Variants in CELA2A observed in about 807,000 individuals in gnomAD.
CELA2A encodes chymotrypsin like elastase 2A, also known as chymotrypsin-like elastase family member 2A.
In CELA2A, 31 loss-of-function variants were observed where a neutral mutation model predicts 35.3. The ratio of observed to expected loss-of-function variants is 0.88; its 90% CI spans 0.66 to 1.19. The LOEUF (loss-of-function observed/expected upper bound fraction) is 1.19. CELA2A is among the 50% of genes most tolerant of loss of function. The probability of loss-of-function intolerance (pLI) is 0.00; values close to 1 mark genes in which losing one functional copy is unlikely to be tolerated. For missense variants in CELA2A, 330 were observed against 352.9 expected (o/e 0.94, Z 0.52); for synonymous variants, 150 against 149.8 (o/e 1.00, Z -0.01).
chr1:15,456,804 TTACCCAGAGGCACTGG>T lies in CELA2A; in HGVS notation c.40+13_40+28del. On this transcript the variant is annotated intron_variant, in intron 1 of 7. Coordinates refer to ENST00000359621, the MANE Select transcript of CELA2A (RefSeq NM_033440.3). ...CTTTGGTGGCTGGAGGTAAGTCCTG[TTACCCAGAGGCACTGG>T]TTTCCCATGCCCTGGTGGGGCTGGA... 6.2e-7 allele frequency: 1 copy of T among 1,614,156 alleles called. No homozygotes were observed. Among genetic ancestry groups the T allele is most frequent in the Non-Finnish European group, 8.5e-7 (1 of 1,180,010 alleles).
chr1:15,458,032 A>C (rs1393223735), intron 2 of CELA2A, among the ~76,000 whole-genome samples: 1 of 152,240 alleles, frequency 6.6e-6, no homozygotes. Context: ...ACATAAACAA[A>C]TATAGTGAAA....
In CELA2A at chr1:15,466,981, C is replaced by T. The variant is rs553606432; in HGVS notation, c.640-405C>T. Among the ~76,000 whole-genome samples the T allele has an allele frequency of 7.9e-5, 12 of 152,280 alleles. 1 individual carries two copies. The South Asian group carries it at 1.2e-3, about 16-fold the overall frequency. ...ACACACTCTGCCCACATAGACCACC[C>T]GCGGGAAGACGGAACCAGTGGGGAA... On this transcript the variant is annotated intron_variant, in intron 6 of 7. Transcript: ENST00000359621.
At chr1:15,458,836 C>T (rs1159939215) in intron 2 of CELA2A, among the ~76,000 whole-genome samples, 2 of 142,830 alleles carry the variant, frequency 1.4e-5, no homozygotes, top group South Asian at 2.2e-4. Context: ...TCGCTTGAAC[C>T]TGGGAGGCGC....
rs1042010 is a variant in CELA2A at position 15,467,418 on chromosome 1, G to A, written c.672G>A (p.Ala224=). 293,547 of 1,613,572 alleles carry A rather than the reference G, an allele frequency of 0.18. 28,164 individuals are homozygous for A. Among genetic ancestry groups the A allele is most frequent in the African/African-American group, 0.27 (20,607 of 75,000 alleles). ...CTGGCGGGCCACTGAACTGTCAGGC[G>A]TCTGACGGCCGGTGGCAGGTGCACG... is the stretch of plus-strand genomic sequence containing the variant. The part of the protein sequence containing the change: ...GDSGGPLNCQ[A]SDGRWQVHGI... The change falls in exon 7 of 8, where the codon GCG becomes GCA. Residue 224 remains alanine, a synonymous_variant. Coordinates refer to ENST00000359621, the MANE Select transcript of CELA2A (RefSeq NM_033440.3).
Position 15,472,087 on chromosome 1 carries a change from A to G in CELA2A, c.*80A>G. ...AATATAATAAAGTGACAACTATGCA[A>G]ATCACATCTTGATGAGAGATTTATT... On this transcript the variant is annotated 3_prime_UTR_variant, in exon 8 of 8. Coordinates refer to ENST00000359621, the MANE Select transcript of CELA2A (RefSeq NM_033440.3). 2 of 1,574,014 alleles carry G rather than the reference A, an allele frequency of 1.3e-6. No individual in the cohort carries two copies. The highest frequency in any genetic ancestry group is 1.7e-6 in the Non-Finnish European group (2 of 1,144,014).
At position 15,467,390 on chromosome 1, in the gene CELA2A, ACT is replaced by A. The variant is rs985933759; in HGVS notation, c.647_648del (p.Ser216TrpfsTer10). 3 of 1,612,488 alleles carry A rather than the reference ACT, an allele frequency of 1.9e-6. No individual in the cohort carries two copies. The highest frequency in any genetic ancestry group is 2.7e-5 in the African/African-American group (2 of 74,708). On this transcript the variant is annotated frameshift_variant, in exon 7 of 8. Transcript: ENST00000359621. LOFTEE classifies it high-confidence loss of function. ...TATAACTCTGGCCTTCCTCAGGGAG[ACT>A]CTGGCGGGCCACTGAACTGTCAGGC...
In CELA2A at chr1:15,463,266, A is replaced by G. The variant is rs1176413855; in HGVS notation, c.357-120A>G. The stretch of plus-strand genomic sequence containing the variant: ...TTCAAACATGCCCTGGGGCCCTGCC[A>G]GTCAGAGCAACCTGGGGTAACAGGG... On this transcript the variant is annotated intron_variant, in intron 4 of 7. Transcript: ENST00000359621. 4.1e-5 allele frequency: 61 copies of G among 1,491,658 alleles called. No homozygotes were observed. The East Asian group carries it at 7.7e-4, about 19-fold the overall frequency. 92.4% of individuals were successfully genotyped at this position (1,491,658 alleles called of 1,614,324 possible). A position where few individuals can be genotyped will look rare whatever the true frequency, so the allele number is the denominator to read the frequency against.
rs202189654 is a variant in CELA2A at position 15,457,120 on chromosome 1, T to C, written c.75T>C (p.Tyr25=). 5.1e-5 allele frequency: 82 copies of C among 1,614,160 alleles called. No homozygotes were observed. The highest frequency in any genetic ancestry group is 6.2e-5 in the Non-Finnish European group (73 of 1,180,036). The change falls in exon 2 of 8, where the codon TAT becomes TAC. Residue 25 remains tyrosine, a synonymous_variant. Transcript: ENST00000359621. ...GTGGGGACCCCACTTACCCACCTTATGTGACTAGGGTGGTTGGCGGTGAAG... is the reference window on the plus strand; with the variant it reads ...GTGGGGACCCCACTTACCCACCTTACGTGACTAGGGTGGTTGGCGGTGAAG... The part of the protein sequence containing the change: ...LSCGDPTYPP[Y]VTRVVGGEEA...
In CELA2A at chr1:15,467,533, A is replaced by G; in HGVS notation, c.787A>G (p.Asn263Asp). The G allele has an allele frequency of 6.2e-7, 1 of 1,614,162 alleles. No homozygotes were observed. Among genetic ancestry groups the G allele is most frequent in the Non-Finnish European group, 8.5e-7 (1 of 1,180,030 alleles). The change falls in exon 7 of 8, where the codon AAT (asparagine) becomes GAT (aspartate). Residue 263 changes from asparagine to aspartate, a missense_variant. Transcript: ENST00000359621. ...TRVSNYIDWI[N>D]SVIANN ...GGTCTCCAATTACATCGACTGGATCAATTCGGTAAGAACCGGACCAGCCCT... is the reference window on the plus strand; with the variant it reads ...GGTCTCCAATTACATCGACTGGATCGATTCGGTAAGAACCGGACCAGCCCT...
chr1:15,460,962 G>A (rs1482031251), intron 2 of CELA2A, among the ~76,000 whole-genome samples: 7 of 152,166 alleles, frequency 4.6e-5, no homozygotes, highest in African/African-American at 9.7e-5. Context: ...ATAGCTCAGC[G>A]TGGCTGGGGA....
chr1:15,470,844 G>T (rs900335567), intron 7 of CELA2A, among the ~76,000 whole-genome samples: 1 of 152,120 alleles, frequency 6.6e-6, no homozygotes, highest in African/African-American at 2.4e-5. Flanking sequence ...GCCTCCAAAA[G>T]TGCTGGGATT....
chr1:15,470,993 A>AT (rs1708587755), intron 7 of CELA2A, among the ~76,000 whole-genome samples: 1 of 152,250 alleles, frequency 6.6e-6, no homozygotes, highest in Non-Finnish European at 1.5e-5. Context: ...CTGAGTCTTC[A>AT]TACTGTTCTG....
At chr1:15,461,385 A>G (rs1708431452) in intron 2 of CELA2A, among the ~76,000 whole-genome samples, 176 bp from the exon 3 acceptor site, 1 of 152,110 alleles carries the variant, frequency 6.6e-6, no homozygotes, top group Non-Finnish European at 1.5e-5. Flanking sequence ...TGTAGATTGC[A>G]TTAACACGTT....
At position 15,466,153 on chromosome 1, in the gene CELA2A, CA is replaced by C; in HGVS notation, c.639+13del. Reference sequence around the variant, plus strand: ...TGATCTCCAGCTGCAACGTGAGTACCAAAATCAGGGGCTCCGCTCCATGACA... The same window carrying C: ...TGATCTCCAGCTGCAACGTGAGTACCAAATCAGGGGCTCCGCTCCATGACA... On this transcript the variant is annotated intron_variant, in intron 6 of 7. Coordinates refer to ENST00000359621, the MANE Select transcript of CELA2A (RefSeq NM_033440.3). 1 of 1,613,176 alleles carries C rather than the reference CA, an allele frequency of 6.2e-7. No homozygotes were observed.
intron 5 of CELA2A, 127 bp downstream of exon 5, chr1:15,463,649 T>C: frequency 7.0e-7 from 1 of 1,431,472 alleles, no homozygotes; most frequent in Non-Finnish European, 9.5e-7. Flanking sequence ...CGGGATGGCA[T>C]AGGCTGACGC....
intron 4 of CELA2A, chr1:15,463,141 G>A: frequency 1.4e-6 from 1 of 721,440 alleles, no homozygotes; most frequent in Non-Finnish European, 2.2e-6. Flanking sequence ...TTCATGCCAG[G>A]TCCTGGGGAC....
In CELA2A at chr1:15,462,826, G is replaced by A; in HGVS notation, c.321G>A (p.Val107=). ...SLAVSVSKIV[V]HKDWNSNQIS... ...CAGTCAGTGTCTCTAAGATTGTGGT[G>A]CACAAGGACTGGAACTCCAACCAAA... The change falls in exon 4 of 8, where the codon GTG becomes GTA. Residue 107 remains valine, a synonymous_variant. Transcript: ENST00000359621. The A allele has an allele frequency of 6.2e-7, 1 of 1,614,116 alleles. No individual in the cohort carries two copies.
At chr1:15,463,280 G>A (rs933505274) in intron 4 of CELA2A, 106 bp from the exon 5 acceptor site, 1 of 1,547,462 alleles carries the variant, frequency 6.5e-7, no homozygotes, top group African/African-American at 1.4e-5. Flanking sequence ...AGAGCAACCT[G>A]GGGTAACAGG....
At position 15,470,656 on chromosome 1, in the gene CELA2A, A is replaced by T. The variant is rs555516808; in HGVS notation, c.793-1334A>T. 9.9e-5 allele frequency among the ~76,000 whole-genome samples: 15 copies of T among 152,138 alleles called. 1 individual carries two copies. The South Asian group carries it at 2.7e-3, about 27-fold the overall frequency. ...AATGCAGTGGCTTGATCGCAGCTCA[A>T]TGCAACCTCCACCTCCCGGGTTCAA... On this transcript the variant is annotated intron_variant, in intron 7 of 7. Coordinates refer to ENST00000359621, the MANE Select transcript of CELA2A (RefSeq NM_033440.3).
Sources: allele counts gnomAD v4.1 joint callset (sites outside exome capture counted in the v4.1 genomes callset), GRCh38; gene constraint gnomAD v4.1.1; transcripts MANE v1.5; gene names NCBI Gene and HGNC (gene_info 2026-07-23, HGNC 2026-07-21).